Variants in EMILIN2 observed in about 807,000 individuals in gnomAD.
EMILIN2 encodes the protein EMILIN-2.
A neutral mutation model predicts 87.1 loss-of-function variants in EMILIN2; 71 were observed. That is an observed-to-expected ratio of 0.82 (90% confidence interval 0.67 to 0.99). The LOEUF is 0.99. Among genes scored for constraint, EMILIN2 ranks in the 50% least tolerant of loss-of-function variants. The pLI is 0.00. For synonymous variants in EMILIN2, 581 were observed against 563.4 expected (o/e 1.03, Z -0.44); for missense variants, 1,407 against 1,371.8 (o/e 1.03, Z -0.40).
intron 2 of EMILIN2, among the ~76,000 whole-genome samples, chr18:2,873,573 G>T (rs1051006473): frequency 6.6e-6 from 1 of 151,684 alleles, no homozygotes; most frequent in Admixed American, 6.6e-5. Context: ...CGGGCGTGGT[G>T]GCGGGCGCCT....
chr18:2,868,666 C>T (rs1464666463), intron 2 of EMILIN2, among the ~76,000 whole-genome samples: 10 of 152,370 alleles, frequency 6.6e-5, no homozygotes, highest in South Asian at 4.1e-4. Context: ...CGTGGGGGCG[C>T]GCGCCTGCAA....
intron 3 of EMILIN2, among the ~76,000 whole-genome samples, chr18:2,889,120 A>ATTTAT (rs2076818485): frequency 8.0e-5 from 8 of 99,386 alleles, no homozygotes; most frequent in African/African-American, 3.1e-4. Context: ...TTTCCTTTTC[A>ATTTAT]TTTCTTTCTT....
At chr18:2,878,754 G>C (rs556165196) in intron 2 of EMILIN2, among the ~76,000 whole-genome samples, 1 of 152,098 alleles carries the variant, frequency 6.6e-6, no homozygotes, top group Non-Finnish European at 1.5e-5. Flanking sequence ...CCTCCTTTCT[G>C]GTTTCTTCCT....
chr18:2,847,684 C>G lies in EMILIN2; in HGVS notation c.135-125C>G. ...CGGCGTCTGCTCGGTGAAGCTCCCG[C>G]CTCCGCAGAGGGCGACGGGCCCCCC... is the stretch of plus-strand genomic sequence containing the variant. On this transcript the variant is annotated intron_variant, in intron 1 of 7. Transcript: ENST00000254528. The surrounding 1 kb of genome is among the most constrained non-coding windows in gnomAD (Gnocchi z 4.5). The G allele has an allele frequency of 1.4e-6, 2 of 1,419,606 alleles. No individual in the cohort carries two copies. Among genetic ancestry groups the G allele is most frequent in the East Asian group, 5.1e-5 (2 of 39,546 alleles). The allele number at this position is 1,419,606 out of a possible 1,614,324, so 87.9% of individuals were successfully genotyped here. A position where few individuals can be genotyped will look rare whatever the true frequency, so the allele number is the denominator to read the frequency against.
In EMILIN2 at chr18:2,891,727, C is replaced by T. The variant is rs150016095; in HGVS notation, c.1600C>T (p.Arg534Trp). The T allele has an allele frequency of 1.1e-4, 185 of 1,614,088 alleles. No homozygotes were observed. In the African/African-American group the frequency reaches 1.5e-3, roughly 13 times the overall value. ...AGGAGTGTCAGGGTCAGGAGATGAACGGGTCATGATGGAATTAAACCACCT... is the reference window on the plus strand; with the variant it reads ...AGGAGTGTCAGGGTCAGGAGATGAATGGGTCATGATGGAATTAAACCACCT... ...LPGVSGSGDE[R>W]VMMELNHLKD... The change falls in exon 4 of 8, where the codon CGG (arginine) becomes TGG (tryptophan). Residue 534 changes from arginine (R) to tryptophan (W), a missense_variant. Physicochemically the swap from Arg to Trp is moderately radical, Grantham distance 101 (BLOSUM62 -3). Transcript: ENST00000254528. The surrounding 1 kb of genome is among the most constrained non-coding windows in gnomAD (Gnocchi z 4.6).
intron 2 of EMILIN2, among the ~76,000 whole-genome samples, chr18:2,864,006 G>C (rs2076673977): frequency 6.6e-6 from 1 of 152,058 alleles, no homozygotes; most frequent in Admixed American, 6.5e-5. Flanking sequence ...ATCTTTGTTG[G>C]TTTAAAGTCT....
intron 3 of EMILIN2, among the ~76,000 whole-genome samples, chr18:2,885,769 C>T (rs111277385): frequency 0.021 from 3,180 of 152,234 alleles, 116 homozygotes; most frequent in African/African-American, 0.073. Flanking sequence ...CTGCCCACCT[C>T]GGCCTCCCAA....
chr18:2,882,899 T>C (rs1250054629), intron 2 of EMILIN2, among the ~76,000 whole-genome samples: 1 of 150,108 alleles, frequency 6.7e-6, no homozygotes, highest in Non-Finnish European at 1.5e-5. Flanking sequence ...AAAAAAAATA[T>C]GACCCAGGCA....
intron 2 of EMILIN2, among the ~76,000 whole-genome samples, chr18:2,863,058 G>A (rs1342111891): frequency 1.2e-4 from 19 of 152,120 alleles, no homozygotes; most frequent in East Asian, 5.8e-4. Context: ...CTGTGGGATC[G>A]GTGGTGATAT....
At chr18:2,908,166 C>G (rs536197938) in intron 5 of EMILIN2, among the ~76,000 whole-genome samples, 20 of 152,332 alleles carry the variant, frequency 1.3e-4, no homozygotes, top group African/African-American at 4.8e-4. Context: ...TCTGTTAGTT[C>G]CATGTATCAT....
intron 2 of EMILIN2, among the ~76,000 whole-genome samples, chr18:2,878,223 C>T (rs548137972): frequency 2.9e-4 from 44 of 152,336 alleles, no homozygotes; most frequent in African/African-American, 1.1e-3. Context: ...GGTGTGGTGG[C>T]TCACACCTGT....
chr18:2,872,385 G>T (rs1051936438), intron 2 of EMILIN2, among the ~76,000 whole-genome samples: 10 of 152,046 alleles, frequency 6.6e-5, no homozygotes, highest in South Asian at 2.1e-4. Flanking sequence ...TTTGAAATTG[G>T]TTTTTTTAAA....
In EMILIN2 at chr18:2,890,216, T is replaced by C. The variant is rs1158522817; in HGVS notation, c.434-345T>C. On this transcript the variant is annotated intron_variant, in intron 3 of 7. Transcript: ENST00000254528. This position sits in a 1 kb window ranked among gnomAD's most constrained non-coding sequence, Gnocchi z 4.7. ...TAAAGCGGATAATGAATATTTCCCC[T>C]CAGGGTGAAAGAGACCATTGATTAT... Among the ~76,000 whole-genome samples, 1 of 152,220 alleles carries C rather than the reference T, an allele frequency of 6.6e-6. No homozygotes were observed. Among genetic ancestry groups the C allele is most frequent in the Non-Finnish European group, 1.5e-5 (1 of 68,042 alleles).
intron 2 of EMILIN2, among the ~76,000 whole-genome samples, chr18:2,878,438 C>T (rs941247602): frequency 1.3e-5 from 2 of 151,312 alleles, no homozygotes; most frequent in East Asian, 1.9e-4. Flanking sequence ...TGCAGTGAGC[C>T]GAGATCACGC....
intron 7 of EMILIN2, among the ~76,000 whole-genome samples, chr18:2,911,159 A>G (rs2076938878): frequency 6.6e-6 from 1 of 152,240 alleles, no homozygotes; most frequent in African/African-American, 2.4e-5. Context: ...GGGCGACTTG[A>G]GAGATTCAAG....
chr18:2,915,554 A>C lies in EMILIN2; in HGVS notation c.*2150A>C, dbSNP rs2076963889. 6.6e-6 allele frequency: 1 copy of C among 150,924 alleles called. No individual in the cohort carries two copies. Among genetic ancestry groups the C allele is most frequent in the African/African-American group, 2.4e-5 (1 of 40,982 alleles). 9.3% of individuals were successfully genotyped at this position (150,924 alleles called of 1,614,324 possible). ...TTTTTTTTTGGGGGGAGACAGTCCT[A>C]CTCTGTCGCCCAGGCTGGAGTGCAG... On this transcript the variant is annotated 3_prime_UTR_variant, in exon 8 of 8. Transcript: ENST00000254528.
At chr18:2,872,636 A>G (rs1471646944) in intron 2 of EMILIN2, among the ~76,000 whole-genome samples, 2 of 152,238 alleles carry the variant, frequency 1.3e-5, no homozygotes, top group Non-Finnish European at 2.9e-5. Context: ...AATGTAGATT[A>G]CTTACTTGGC....
intron 2 of EMILIN2, among the ~76,000 whole-genome samples, chr18:2,861,359 G>A (rs2076660132): frequency 6.6e-6 from 1 of 152,140 alleles, no homozygotes; most frequent in African/African-American, 2.4e-5. Flanking sequence ...GGTTTTTATG[G>A]TTTTAGGTCT....
intron 2 of EMILIN2, among the ~76,000 whole-genome samples, chr18:2,874,426 C>T (rs746239328): frequency 1.2e-4 from 19 of 152,120 alleles, no homozygotes; most frequent in Non-Finnish European, 2.2e-4. Flanking sequence ...TGAAGACATG[C>T]GGTGACATAC....
Sources: gnomAD v4.1 joint callset for allele counts (sites outside exome capture counted in the v4.1 genomes callset) on GRCh38, gnomAD v4.1.1 for gene constraint, Gnocchi (gnomAD v3.1) non-coding constraint, MANE v1.5 for transcripts, NCBI Gene and HGNC (gene_info 2026-07-23, HGNC 2026-07-21) for gene names.